The following TRHR variants were observed in gnomAD, a reference collection of about 807,000 sequenced individuals.
TRHR encodes the protein thyrotropin-releasing hormone receptor.
TRHR carries 14 observed loss-of-function variants against 28.0 expected under a neutral mutation model. The observed-to-expected ratio is 0.50, with a 90% confidence interval of 0.33 to 0.78. TRHR has a LOEUF of 0.78. Among genes scored for constraint, TRHR ranks in the 30% least tolerant of loss-of-function variants. The pLI is 0.02. For missense variants in TRHR, 438 were observed against 469.5 expected (o/e 0.93, Z 0.62); for synonymous variants, 176 against 171.9 (o/e 1.02, Z -0.18).
At chr8:109,107,209 C>T (rs968251497) in intron 2 of TRHR, among the ~76,000 whole-genome samples, 1 of 152,126 alleles carries the variant, frequency 6.6e-6, no homozygotes, top group African/African-American at 2.4e-5. Context: ...TATTTATCAT[C>T]AAAGGCTTCA....
rs556795929 is a variant in TRHR, at chr8:109,119,069, G to C, written c.811G>C (p.Val271Leu). ...RKQVTKMLAV[V>L]VILFALLWMP... ...CTAGGTCACCAAGATGCTGGCAGTG[G>C]TTGTAATTCTGTTTGCCCTTTTATG... Residue 271 changes from valine to leucine, a missense_variant, in exon 3 of 3, where the codon GTT becomes CTT. Val to Leu is a conservative substitution (Grantham distance 32). Coordinates refer to ENST00000518632, the MANE Select transcript of TRHR (RefSeq NM_003301.7). The C allele has an allele frequency of 1.6e-5, 26 of 1,612,636 alleles. 1 individual carries two copies. In the Middle Eastern group the frequency reaches 6.6e-4, roughly 41 times the overall value.
intron 2 of TRHR, among the ~76,000 whole-genome samples, chr8:109,095,880 A>C (rs1811581120): frequency 6.7e-6 from 1 of 149,950 alleles, no homozygotes; most frequent in African/African-American, 2.5e-5. Context: ...ATTCCAGCTC[A>C]TTATTCTCCT....
chr8:109,115,098 T>A lies in TRHR; in HGVS notation c.790-3950T>A, dbSNP rs945580936. 3.3e-5 allele frequency among the ~76,000 whole-genome samples: 5 copies of A among 152,114 alleles called. No homozygotes were observed. In the South Asian group the frequency reaches 1.0e-3, roughly 31 times the overall value. ...CTGTCTTTCATATCACCATACACCC[T>A]ATACGCTACTCTGATCAGATAGTTG... On this transcript the variant is annotated intron_variant, in intron 2 of 2. Coordinates refer to ENST00000518632, the MANE Select transcript of TRHR (RefSeq NM_003301.7).
At chr8:109,113,695 G>T (rs1811873287) in intron 2 of TRHR, among the ~76,000 whole-genome samples, 2 of 152,168 alleles carry the variant, frequency 1.3e-5, no homozygotes, top group South Asian at 4.1e-4. Context: ...TTGGTGTGGG[G>T]TATATAGAAA....
rs1162990846 is a variant in TRHR at position 109,121,263 on chromosome 8, A to G, written c.*1808A>G. On this transcript the variant is annotated 3_prime_UTR_variant, in exon 3 of 3. Transcript: ENST00000518632. ...TGGTATAAATATTAATCTTGGCATC[A>G]TATAAATAGAGCACCAGAGTGACCC... Among the ~76,000 whole-genome samples, 1 of 151,752 alleles carries G rather than the reference A, an allele frequency of 6.6e-6. No individual in the cohort carries two copies. The highest frequency in any genetic ancestry group is 6.6e-5 in the Admixed American group (1 of 15,188).
intron 2 of TRHR, among the ~76,000 whole-genome samples, chr8:109,098,999 G>A (rs972687504): frequency 6.6e-6 from 1 of 152,158 alleles, no homozygotes; most frequent in Admixed American, 6.6e-5. Context: ...TGCCTCCATG[G>A]TGCCTAGGGA....
chr8:109,119,048 G>GTCA lies in TRHR; in HGVS notation c.791_793dup (p.Val264_Thr265insIle). The GTCA allele has an allele frequency of 6.2e-7, 1 of 1,612,384 alleles. No homozygotes were observed. The highest frequency in any genetic ancestry group is 1.1e-5 in the South Asian group (1 of 91,040). The stretch of plus-strand genomic sequence containing the variant: ...AGCATTTCTCTCTATTTCTCCCTAG[G>GTCA]TCACCAAGATGCTGGCAGTGGTTGT... On this transcript the variant is annotated inframe_insertion and splice_region_variant, in exon 3 of 3. Transcript: ENST00000518632.
chr8:109,109,080 C>T lies in TRHR; in HGVS notation c.790-9968C>T, dbSNP rs1204805204. 7.2e-5 allele frequency among the ~76,000 whole-genome samples: 11 copies of T among 152,162 alleles called. 1 individual carries two copies. The highest frequency in any genetic ancestry group is 2.9e-5 in the Non-Finnish European group (2 of 68,032). ...ATTTTAAAAATATGTTCCATAAGGA[C>T]TTAGTATCACAGCGTGAATAAGAAT... On this transcript the variant is annotated intron_variant, in intron 2 of 2. Transcript: ENST00000518632.
chr8:109,110,825 T>C (rs1433763000), intron 2 of TRHR, among the ~76,000 whole-genome samples: 1 of 152,140 alleles, frequency 6.6e-6, no homozygotes, highest in Non-Finnish European at 1.5e-5. Flanking sequence ...CACTCCATGA[T>C]ATGAAGCACC....
intron 2 of TRHR, among the ~76,000 whole-genome samples, chr8:109,102,475 A>G (rs181874949): frequency 1.1e-4 from 17 of 152,292 alleles, no homozygotes; most frequent in Non-Finnish European, 2.1e-4. Flanking sequence ...TGGTACATGG[A>G]CGTATCCAAT....
intron 2 of TRHR, among the ~76,000 whole-genome samples, chr8:109,115,405 T>C (rs1472606136): frequency 6.6e-6 from 1 of 152,190 alleles, no homozygotes; most frequent in Non-Finnish European, 1.5e-5. Flanking sequence ...TTGGGCAGTA[T>C]GGCCATTTTC....
chr8:109,112,259 T>C (rs1811845757), intron 2 of TRHR, among the ~76,000 whole-genome samples: 1 of 152,162 alleles, frequency 6.6e-6, no homozygotes, highest in African/African-American at 2.4e-5. Flanking sequence ...CTGAATCATA[T>C]ATAGAATCAA....
At chr8:109,089,528 A>G (rs1203007546) in intron 2 of TRHR, among the ~76,000 whole-genome samples, 1 of 152,158 alleles carries the variant, frequency 6.6e-6, no homozygotes, top group Non-Finnish European at 1.5e-5. Flanking sequence ...TAAAGGAAAC[A>G]TATACTGCAT....
At chr8:109,111,071 G>C (rs1015705078) in intron 2 of TRHR, among the ~76,000 whole-genome samples, 3 of 151,994 alleles carry the variant, frequency 2.0e-5, no homozygotes, top group Non-Finnish European at 4.4e-5. Context: ...AGAATCGCTT[G>C]AACCCAGGAG....
intron 2 of TRHR, among the ~76,000 whole-genome samples, chr8:109,098,686 C>T (rs147756389): frequency 1.3e-5 from 2 of 152,154 alleles, no homozygotes; most frequent in African/African-American, 4.8e-5. Flanking sequence ...ATTTCTGTCT[C>T]TGTTACACTC....
rs1228065552 is a variant in TRHR at position 109,118,219 on chromosome 8, A to T, written c.790-829A>T. Among the ~76,000 whole-genome samples the T allele has an allele frequency of 2.6e-5, 4 of 151,938 alleles. No individual in the cohort carries two copies. In the East Asian group the frequency reaches 7.7e-4, roughly 29 times the overall value. ...CTGTACCTGTTTTCTAATTTGAAAA[A>T]GTAGTGGGTACAATACCTATTTTAG... On this transcript the variant is annotated intron_variant, in intron 2 of 2. Coordinates refer to ENST00000518632, the MANE Select transcript of TRHR (RefSeq NM_003301.7).
chr8:109,096,870 T>C lies in TRHR; in HGVS notation c.789+8569T>C, dbSNP rs570194892. Reference sequence around the variant, plus strand: ...AGAGTTCATTCGTACGGACTTAGGGTCTCGGTCAAGTCCAACACTCTATTT... The same window carrying C: ...AGAGTTCATTCGTACGGACTTAGGGCCTCGGTCAAGTCCAACACTCTATTT... On this transcript the variant is annotated intron_variant, in intron 2 of 2. Transcript: ENST00000518632. Among the ~76,000 whole-genome samples, 3 of 152,210 alleles carry C rather than the reference T, an allele frequency of 2.0e-5. No homozygotes were observed. In the East Asian group the frequency reaches 5.8e-4, roughly 29 times the overall value.
chr8:109,113,671 A>T (rs1811873015), intron 2 of TRHR, among the ~76,000 whole-genome samples: 1 of 152,136 alleles, frequency 6.6e-6, no homozygotes, highest in Non-Finnish European at 1.5e-5. Flanking sequence ...CAAGGGGTGA[A>T]TAATAGAAGG....
chr8:109,094,266 T>G (rs575255843), intron 2 of TRHR, among the ~76,000 whole-genome samples: 95 of 152,148 alleles, frequency 6.2e-4, no homozygotes, highest in Non-Finnish European at 1.1e-3. Context: ...CAAAATTTTT[T>G]TAGAGATGGA....
Sources: allele counts gnomAD v4.1 joint callset (sites outside exome capture counted in the v4.1 genomes callset), GRCh38; gene constraint gnomAD v4.1.1; transcripts MANE v1.5; gene names NCBI Gene and HGNC (gene_info 2026-07-23, HGNC 2026-07-21).